Variants in SLC25A33 observed in about 807,000 individuals in gnomAD.
SLC25A33 encodes the protein bone marrow stromal cell mitochondrial carrier protein.
A neutral mutation model predicts 35.5 loss-of-function variants in SLC25A33; 15 were observed. The ratio of observed to expected loss-of-function variants is 0.42; its 90% CI spans 0.28 to 0.65. The LOEUF (loss-of-function observed/expected upper bound fraction) is 0.65. SLC25A33 is among the 30% of genes least tolerant of loss of function. The pLI is 0.20. For missense variants in SLC25A33, 257 were observed against 398.5 expected (o/e 0.64, Z 3.02); for synonymous variants, 136 against 148.7 (o/e 0.91, Z 0.62).
At position 9,583,100 on chromosome 1, in the gene SLC25A33, C is replaced by T. The variant is rs1046797025; in HGVS notation, c.*599C>T. On this transcript the variant is annotated 3_prime_UTR_variant, in exon 7 of 7. Coordinates refer to ENST00000302692, the MANE Select transcript of SLC25A33 (RefSeq NM_032315.3). Reference sequence around the variant, plus strand: ...ATTAGCCGGACGTGTGCCTGTAATCCCAGCTACTTGGGAGGCTGAGGCAGG... The same window carrying T: ...ATTAGCCGGACGTGTGCCTGTAATCTCAGCTACTTGGGAGGCTGAGGCAGG... The T allele has an allele frequency of 2.0e-5, 3 of 152,374 alleles. No individual in the cohort carries two copies. Among genetic ancestry groups the T allele is most frequent in the African/African-American group, 7.2e-5 (3 of 41,564 alleles). The allele number at this position is 152,374 out of a possible 1,614,324, so 9.4% of individuals were successfully genotyped here. A position where few individuals can be genotyped will look rare whatever the true frequency, so the allele number is the denominator to read the frequency against.
intron 1 of SLC25A33, among the ~76,000 whole-genome samples, chr1:9,542,629 T>C (rs975727661): frequency 1.2e-4 from 19 of 152,182 alleles, no homozygotes; most frequent in African/African-American, 4.3e-4. Context: ...TAGTTGCTGC[T>C]GTTGTTAAGC....
chr1:9,542,071 C>T (rs1643093405), intron 1 of SLC25A33, among the ~76,000 whole-genome samples: 1 of 152,160 alleles, frequency 6.6e-6, no homozygotes, highest in African/African-American at 2.4e-5. Context: ...GCTGGGATTG[C>T]AGGCATGAGC....
In SLC25A33 at chr1:9,560,251, C is replaced by CA. The variant is rs1211740712; in HGVS notation, c.236+6460dup. Among the ~76,000 whole-genome samples, 778 of 96,278 alleles carry CA rather than the reference C, an allele frequency of 8.1e-3. 3 individuals carry two copies. The highest frequency in any genetic ancestry group is 0.028 in the East Asian group (102 of 3,704). The allele number at this position is 96,278 out of a possible 152,430, so 63.2% of individuals were successfully genotyped here. A position where few individuals can be genotyped will look rare whatever the true frequency, so the allele number is the denominator to read the frequency against. On this transcript the variant is annotated intron_variant, in intron 2 of 6. Coordinates refer to ENST00000302692, the MANE Select transcript of SLC25A33 (RefSeq NM_032315.3). ...TGGGCAGCAGAGCGAGACTCCATCT[C>CA]AAAAAAAAAAAAAAGAGAAAAGAAA...
intron 1 of SLC25A33, among the ~76,000 whole-genome samples, chr1:9,541,428 T>C (rs7417995): frequency 0.39 from 59,545 of 151,978 alleles, 15,250 homozygotes; most frequent in East Asian, 0.89. Flanking sequence ...GGATTACAAG[T>C]GTGAGCCACT....
At position 9,559,112 on chromosome 1, in the gene SLC25A33, A is replaced by G. The variant is rs183921318; in HGVS notation, c.236+5307A>G. 2.0e-5 allele frequency among the ~76,000 whole-genome samples: 3 copies of G among 152,210 alleles called. No individual in the cohort carries two copies. The East Asian group carries it at 5.8e-4, about 29-fold the overall frequency. On this transcript the variant is annotated intron_variant, in intron 2 of 6. Transcript: ENST00000302692. ...TCCGCTGTCATCACCTTGCAGGAAG[A>G]CCCTATAGTGACCATGCTATTTAAA...
At chr1:9,556,134 A>G in intron 2 of SLC25A33, 1 of 940,058 alleles carries the variant, frequency 1.1e-6, no homozygotes, top group Non-Finnish European at 1.3e-6. Context: ...CCCCATCAAG[A>G]TGGGACTGTG....
chr1:9,561,367 T>G (rs1643422136), intron 2 of SLC25A33, among the ~76,000 whole-genome samples: 1 of 152,204 alleles, frequency 6.6e-6, no homozygotes, highest in African/African-American at 2.4e-5. Context: ...GTGCTATGCA[T>G]ATTATGATAT....
intron 1 of SLC25A33, among the ~76,000 whole-genome samples, chr1:9,547,802 C>CTT (rs112195824): frequency 2.1e-5 from 3 of 143,690 alleles, no homozygotes; most frequent in Non-Finnish European, 4.6e-5. Flanking sequence ...GGCCTTCAAA[C>CTT]TTTTTTTTTT....
At chr1:9,580,368 C>T in intron 6 of SLC25A33, 134 bp downstream of exon 6, 2 of 1,138,156 alleles carry the variant, frequency 1.8e-6, no homozygotes, top group East Asian at 2.4e-5. Flanking sequence ...ATGAGGGAAA[C>T]AGCTCTAACC....
chr1:9,563,062 G>C (rs1297376234), intron 2 of SLC25A33, among the ~76,000 whole-genome samples: 2 of 151,560 alleles, frequency 1.3e-5, no homozygotes, highest in Non-Finnish European at 2.9e-5. Context: ...GGGACTACAG[G>C]CGCCCACTAC....
chr1:9,582,325 G>A lies in SLC25A33; in HGVS notation c.790G>A (p.Glu264Lys). 6.2e-7 allele frequency: 1 copy of A among 1,614,016 alleles called. No individual in the cohort carries two copies. The highest frequency in any genetic ancestry group is 8.5e-7 in the Non-Finnish European group (1 of 1,179,866). ...HEVIRTRLREEGTKYKSFVQT... is the reference protein window; with the variant it reads ...HEVIRTRLREKGTKYKSFVQT... ...AGTCATAAGGACGAGGCTCCGGGAAGAGGGCACCAAGTACAAGTCTTTTGT... is the reference window on the plus strand; with the variant it reads ...AGTCATAAGGACGAGGCTCCGGGAAAAGGGCACCAAGTACAAGTCTTTTGT... Residue 264 changes from glutamate (E) to lysine (K), a missense_variant, in exon 7 of 7, where the codon GAG becomes AAG. Transcript: ENST00000302692. The surrounding 1 kb of genome is among the most constrained non-coding windows in gnomAD (Gnocchi z 4.0).
chr1:9,550,231 T>TAAAAAA (rs537669811), intron 1 of SLC25A33, among the ~76,000 whole-genome samples: 1 of 133,586 alleles, frequency 7.5e-6, no homozygotes, highest in Non-Finnish European at 1.6e-5. Context: ...CTTCTCTCTT[T>TAAAAAA]AAAAAAAAAA....
chr1:9,571,130 A>G (rs1430738555), intron 4 of SLC25A33, among the ~76,000 whole-genome samples: 1 of 152,180 alleles, frequency 6.6e-6, no homozygotes, highest in Non-Finnish European at 1.5e-5. Flanking sequence ...ATGAGGGTGT[A>G]GGGCTTGCAG....
chr1:9,540,064 C>G (rs1643054100), intron 1 of SLC25A33, among the ~76,000 whole-genome samples: 2 of 152,066 alleles, frequency 1.3e-5, no homozygotes, highest in Admixed American at 1.3e-4. Context: ...GGCGGTCCAG[C>G]CTGGACGCTG....
rs78833413 is a variant in SLC25A33, at chr1:9,574,548, T to C, written c.482+1136T>C. Among the ~76,000 whole-genome samples the C allele has an allele frequency of 6.8e-3, 1,032 of 152,366 alleles. 11 individuals carry two copies. Among genetic ancestry groups the C allele is most frequent in the African/African-American group, 0.024 (989 of 41,586 alleles). On this transcript the variant is annotated intron_variant, in intron 5 of 6. Transcript: ENST00000302692. ...TGTTTTCAACAAATGTAATGTGACA[T>C]GAAAATATTTCTGTGTGTGTCAAAT...
At chr1:9,562,583 A>G (rs1391295605) in intron 2 of SLC25A33, among the ~76,000 whole-genome samples, 1 of 151,904 alleles carries the variant, frequency 6.6e-6, no homozygotes, top group Non-Finnish European at 1.5e-5. Context: ...GGCCAGGCAC[A>G]GTGGCTCATG....
chr1:9,553,598 C>G (rs561378637), intron 1 of SLC25A33, 28 bp from the exon 2 acceptor site: 270 of 1,611,186 alleles, frequency 1.7e-4, no homozygotes, highest in Admixed American at 6.2e-4. Flanking sequence ...AGTATAGCTT[C>G]TCTGATCTGC....
intron 5 of SLC25A33, among the ~76,000 whole-genome samples, chr1:9,574,872 A>T (rs923376265): frequency 6.6e-6 from 1 of 152,138 alleles, no homozygotes; most frequent in Non-Finnish European, 1.5e-5. Context: ...AGGGTTAAAG[A>T]TGCATTTTCT....
At chr1:9,572,624 A>C (rs1446183351) in intron 4 of SLC25A33, among the ~76,000 whole-genome samples, 1 of 152,132 alleles carries the variant, frequency 6.6e-6, no homozygotes, top group Non-Finnish European at 1.5e-5. Context: ...CTCAAAAAAA[A>C]AGAAAAAACC....
Sources: gnomAD v4.1 joint callset for allele counts (sites outside exome capture counted in the v4.1 genomes callset) on GRCh38, gnomAD v4.1.1 for gene constraint, Gnocchi (gnomAD v3.1) non-coding constraint, MANE v1.5 for transcripts, NCBI Gene and HGNC (gene_info 2026-07-23, HGNC 2026-07-21) for gene names.